TLN1: variants seen among roughly 807,000 people sequenced by gnomAD.
The protein encoded by TLN1 is talin 1, also known as talin-1.
TLN1 carries 56 observed loss-of-function variants against 292.3 expected under a neutral mutation model. The observed-to-expected ratio is 0.19, with a 90% CI of 0.15 to 0.24. The LOEUF (loss-of-function observed/expected upper bound fraction) is 0.24. Among genes scored for constraint, TLN1 ranks in the 10% least tolerant of loss-of-function variants. TLN1 has a pLI of 1.00. For missense variants in TLN1, 2,433 were observed against 3,248.2 expected, an observed-to-expected ratio of 0.75 and a Z score of 6.10; for synonymous variants, 1,119 against 1,253.7, an observed-to-expected ratio of 0.89 and a Z score of 2.27.
At chr9:35,712,546 T>A (rs1282905822) in intron 27 of TLN1, among the ~76,000 whole-genome samples, 1 of 148,790 alleles carries the variant, frequency 6.7e-6, no homozygotes, top group African/African-American at 2.5e-5. Context: ...TACTAGGGAG[T>A]CTGAGGCAGG....
At chr9:35,703,476 T>G in intron 48 of TLN1, 84 bp downstream of exon 48, 2 of 1,260,682 alleles carry the variant, frequency 1.6e-6, no homozygotes, top group Non-Finnish European at 2.3e-6. Flanking sequence ...ACTCCAGCTG[T>G]GAGTATATGT....
At position 35,725,317 on chromosome 9, in the gene TLN1, G is replaced by A. The variant is rs756421597; in HGVS notation, c.135C>T (p.Ser45=). ...RIPEAPAGPP[S]DFGLFLSDDD... ...CATCTGACAGAAAGAGCCCAAAGTC[G>A]CTGGCTAAAAGAGAGGATGGATCAC... The change falls in exon 3 of 57, where the codon AGC becomes AGT. Residue 45 remains serine (S), a synonymous_variant. Coordinates refer to ENST00000314888, the MANE Select transcript of TLN1 (RefSeq NM_006289.4). The A allele has an allele frequency of 8.7e-6, 14 of 1,614,072 alleles. No homozygotes were observed. Among genetic ancestry groups the A allele is most frequent in the Middle Eastern group, 1.6e-4 (1 of 6,062 alleles).
rs1486786904 is a variant in TLN1 at position 35,714,392 on chromosome 9, GTGGA to G, written c.2986-23_2986-20del. On this transcript the variant is annotated intron_variant, in intron 23 of 56. Coordinates refer to ENST00000314888, the MANE Select transcript of TLN1 (RefSeq NM_006289.4). This position sits in a 1 kb window ranked among gnomAD's most constrained non-coding sequence, Gnocchi z 4.6. ...CACCTGGCTGTTGGGGAATAGGCAG[GTGGA>G]TGAAGTGTGCCATCCTCCCTCTGGG... 6.3e-7 allele frequency: 1 copy of G among 1,599,264 alleles called. No homozygotes were observed. Among genetic ancestry groups the G allele is most frequent in the African/African-American group, 1.3e-5 (1 of 74,716 alleles).
At chr9:35,710,364 G>A (rs766760851) in intron 33 of TLN1, among the ~76,000 whole-genome samples, 197 bp downstream of exon 33, 7 of 152,162 alleles carry the variant, frequency 4.6e-5, no homozygotes, top group Non-Finnish European at 7.4e-5. Flanking sequence ...CAGGGTTCAG[G>A]AATTACAGAA....
In TLN1 at chr9:35,718,755, C is replaced by G. The variant is rs73645470; in HGVS notation, c.1995+57G>C. On this transcript the variant is annotated intron_variant, in intron 17 of 56. Transcript: ENST00000314888. ...AAGCCAGGACTAGGAACTGGATTCA[C>G]GAGCAGAAGTTACTTCCTAGATTCT... The G allele has an allele frequency of 7.4e-6, 11 of 1,482,818 alleles. No homozygotes were observed. The African/African-American group carries it at 1.4e-4, about 19-fold the overall frequency. 91.9% of individuals were successfully genotyped at this position (1,482,818 alleles called of 1,614,324 possible).
intron 17 of TLN1, 140 bp downstream of exon 17, chr9:35,718,672 A>T (rs1825827954): frequency 7.4e-6 from 5 of 674,712 alleles, no homozygotes; most frequent in Non-Finnish European, 1.3e-5. Context: ...ATCAGAAGTT[A>T]CTAGTATCAT....
rs1297630964 is a variant in TLN1, at chr9:35,717,756, C to G, written c.2026G>C (p.Ala676Pro). ...DALMQLAKAV[A>P]SAAAALVLKA... ...AGGACCAGGGCAGCTGCAGCACTTG[C>G]CACAGCTTTGGCGAGCTGCATTAGC... Residue 676 changes from alanine to proline, a missense_variant, in exon 18 of 57, where the codon GCA becomes CCA. Ala to Pro is a conservative substitution (Grantham distance 27). Transcript: ENST00000314888. This position sits in a 1 kb window ranked among gnomAD's most constrained non-coding sequence, Gnocchi z 4.7. The G allele has an allele frequency of 6.2e-7, 1 of 1,608,766 alleles. No individual in the cohort carries two copies. Among genetic ancestry groups the G allele is most frequent in the Non-Finnish European group, 8.5e-7 (1 of 1,176,046 alleles).
chr9:35,704,031 A>G lies in TLN1; in HGVS notation c.6191T>C (p.Leu2064Pro). Residue 2064 changes from leucine (L) to proline (P), a missense_variant, in exon 46 of 57, where the codon CTG becomes CCG. Around this residue, in one of 7 missense-constraint regions of TLN1, gnomAD observed 1,384 missense variants for 1,699.6 expected, o/e 0.81. Coordinates refer to ENST00000314888, the MANE Select transcript of TLN1 (RefSeq NM_006289.4). This position sits in a 1 kb window ranked among gnomAD's most constrained non-coding sequence, Gnocchi z 6.9. Reference protein sequence around the residue: ...TITRLADVVKLGAASLGAEDP... With the variant: ...TITRLADVVKPGAASLGAEDP... ...CTCAGCTCCCAGGCTGGCTGCACCC[A>G]GCTTGACCACATCAGCGAGGCGGGT... 1 of 1,613,866 alleles carries G rather than the reference A, an allele frequency of 6.2e-7. No individual in the cohort carries two copies. Among genetic ancestry groups the G allele is most frequent in the South Asian group, 1.1e-5 (1 of 91,058 alleles).
At position 35,724,437 on chromosome 9, in the gene TLN1, G is replaced by T; in HGVS notation, c.512-103C>A. 1 of 1,572,028 alleles carries T rather than the reference G, an allele frequency of 6.4e-7. No homozygotes were observed. The highest frequency in any genetic ancestry group is 8.7e-7 in the Non-Finnish European group (1 of 1,150,938). On this transcript the variant is annotated intron_variant, in intron 5 of 56. Coordinates refer to ENST00000314888, the MANE Select transcript of TLN1 (RefSeq NM_006289.4). The surrounding 1 kb of genome is among the most constrained non-coding windows in gnomAD (Gnocchi z 4.7). ...CCTACCTCCCCTCACTTAAATGTAA[G>T]TCCCATGAGTGTAGGACTTTGTTTT...
intron 16 of TLN1, 71 bp from the exon 17 acceptor site, chr9:35,718,981 C>A: frequency 1.3e-6 from 2 of 1,595,722 alleles, no homozygotes; most frequent in South Asian, 1.1e-5. Context: ...CACAGGCCCA[C>A]GGGACCCAGG....
chr9:35,719,331 C>T lies in TLN1; in HGVS notation c.1688-49G>A, dbSNP rs150670616. 1.6e-4 allele frequency: 246 copies of T among 1,577,826 alleles called. No individual in the cohort carries two copies. The highest frequency in any genetic ancestry group is 2.0e-4 in the Non-Finnish European group (234 of 1,153,790). ...AACATGAGAGACAGGGCAGGCCAGA[C>T]GAAGGGCTGGGGAGGGAGCAAAGTC... On this transcript the variant is annotated intron_variant, in intron 15 of 56. Transcript: ENST00000314888. The surrounding 1 kb of genome is among the most constrained non-coding windows in gnomAD (Gnocchi z 4.6).
Position 35,719,745 on chromosome 9 carries a change from C to A in TLN1, c.1573G>T (p.Asp525Tyr). 1 of 1,609,876 alleles carries A rather than the reference C, an allele frequency of 6.2e-7. No individual in the cohort carries two copies. The highest frequency in any genetic ancestry group is 8.5e-7 in the Non-Finnish European group (1 of 1,177,956). The part of the protein sequence containing the change: ...DFDTLPPLGQ[D>Y]AASKAWRKNK... ...CTCCTCCATCCCATACTTACAGCAT[C>A]CTGGCCAAGAGGCGGCAGAGTGTCA... The change falls in exon 14 of 57, where the codon GAT (aspartate) becomes TAT (tyrosine). Residue 525 changes from aspartate to tyrosine, a missense_variant. Asp to Tyr is a radical substitution (Grantham distance 160, BLOSUM62 -3). Coordinates refer to ENST00000314888, the MANE Select transcript of TLN1 (RefSeq NM_006289.4). This position sits in a 1 kb window ranked among gnomAD's most constrained non-coding sequence, Gnocchi z 4.6.
At position 35,723,859 on chromosome 9, in the gene TLN1, T is replaced by A. The variant is rs1400020808; in HGVS notation, c.782+93A>T. Reference sequence around the variant, plus strand: ...CCTGGTACCTCGGAAGAAGAAATAGTGGGGGGCAGGCTTGGAATGGAGACA... The same window carrying A: ...CCTGGTACCTCGGAAGAAGAAATAGAGGGGGGCAGGCTTGGAATGGAGACA... On this transcript the variant is annotated intron_variant, in intron 7 of 56. Transcript: ENST00000314888. 4 of 1,558,650 alleles carry A rather than the reference T, an allele frequency of 2.6e-6. No homozygotes were observed. The Admixed American group carries it at 6.2e-5, about 24-fold the overall frequency.
At chr9:35,701,251 C>T (rs1424351132) in intron 48 of TLN1, among the ~76,000 whole-genome samples, 1 of 152,116 alleles carries the variant, frequency 6.6e-6, no homozygotes, top group Non-Finnish European at 1.5e-5. Context: ...CAAGCAGAGC[C>T]ATCACTAATG....
chr9:35,699,089 G>T lies in TLN1; in HGVS notation c.6942C>A (p.Ala2314=). The change falls in exon 52 of 57, where the codon GCC becomes GCA. Residue 2314 remains alanine (A), a synonymous_variant. Transcript: ENST00000314888. This position sits in a 1 kb window ranked among gnomAD's most constrained non-coding sequence, Gnocchi z 4.0. ...GCTTTTTGGCTGCAGCCTCAATGGC[G>T]GCTGCAGCTCCCAGGAGCTCATTCT... ...IAENELLGAA[A]AIEAAAKKLE... The T allele has an allele frequency of 6.2e-7, 1 of 1,613,988 alleles. No individual in the cohort carries two copies. Among genetic ancestry groups the T allele is most frequent in the South Asian group, 1.1e-5 (1 of 91,084 alleles).
rs1363911712 is a variant in TLN1, at chr9:35,704,013, C to A, written c.6209G>T (p.Gly2070Val). The A allele has an allele frequency of 6.2e-7, 1 of 1,613,122 alleles. No individual in the cohort carries two copies. The highest frequency in any genetic ancestry group is 1.7e-5 in the Admixed American group (1 of 59,994). Residue 2070 changes from glycine (G) to valine (V), a missense_variant, in exon 46 of 57, where the codon GGA becomes GTA. Coordinates refer to ENST00000314888, the MANE Select transcript of TLN1 (RefSeq NM_006289.4). This position sits in a 1 kb window ranked among gnomAD's most constrained non-coding sequence, Gnocchi z 6.9. ...DVVKLGAASL[G>V]AEDPETQVVL... is the part of the protein sequence containing the mutation. ...TACCTGGGTCTCAGGGTCCTCAGCTCCCAGGCTGGCTGCACCCAGCTTGAC... is the reference window on the plus strand; with the variant it reads ...TACCTGGGTCTCAGGGTCCTCAGCTACCAGGCTGGCTGCACCCAGCTTGAC...
chr9:35,731,681 CACTA>C (rs1702124584), intron 1 of TLN1, among the ~76,000 whole-genome samples: 1 of 152,140 alleles, frequency 6.6e-6, no homozygotes, highest in South Asian at 2.1e-4. Flanking sequence ...ACCTGACTCA[CACTA>C]ACTCTTAAGT....
Position 35,700,198 on chromosome 9 carries a change from G to A in TLN1, c.6653C>T (p.Ala2218Val), listed in dbSNP as rs148578435. The A allele has an allele frequency of 6.4e-5, 102 of 1,601,276 alleles. 1 individual carries two copies. The East Asian group carries it at 2.2e-3, about 34-fold the overall frequency. Residue 2218 changes from alanine to valine, a missense_variant, in exon 49 of 57, where the codon GCT (alanine) becomes GTT (valine). Ala to Val is a moderately conservative substitution (Grantham distance 64, BLOSUM62 0). Transcript: ENST00000314888. ...SRRAIADMLR[A>V]CKEAAYHPEV... is the part of the protein sequence containing the mutation. Reference sequence around the variant, plus strand: ...TGCCTCAAGGATTTCTACCTTGCAAGCCCGAAGCATATCTGCAATAGCACG... The same window carrying A: ...TGCCTCAAGGATTTCTACCTTGCAAACCCGAAGCATATCTGCAATAGCACG...
rs920193199 is a variant in TLN1, at chr9:35,711,513, G to A, written c.3879+82C>T. ...GACTGGGGAGGGAAGGGAGCCAGGA[G>A]CAAGTCAGGACTGGTCACTCAACTG... On this transcript the variant is annotated intron_variant, in intron 29 of 56. Coordinates refer to ENST00000314888, the MANE Select transcript of TLN1 (RefSeq NM_006289.4). 5 of 1,604,370 alleles carry A rather than the reference G, an allele frequency of 3.1e-6. No individual in the cohort carries two copies. In the African/African-American group the frequency reaches 5.4e-5, roughly 17 times the overall value.
Sources: gnomAD v4.1 joint callset for allele counts (sites outside exome capture counted in the v4.1 genomes callset) on GRCh38, gnomAD v4.1.1 for gene constraint, gnomAD v4.1.1 regional missense constraint, Gnocchi (gnomAD v3.1) non-coding constraint, MANE v1.5 for transcripts, NCBI Gene and HGNC (gene_info 2026-07-23, HGNC 2026-07-21) for gene names.